CCT6B: variants seen among roughly 807,000 people sequenced by gnomAD.
CCT6B encodes chaperonin containing TCP1 subunit 6B, also known as probable T-complex protein 1 subunit zeta-2.
A neutral mutation model predicts 61.5 loss-of-function variants in CCT6B; 49 were observed. That is an observed-to-expected ratio of 0.80 (90% confidence interval 0.63 to 1.01). CCT6B has a LOEUF of 1.01. CCT6B is among the 50% of genes least tolerant of loss of function. CCT6B has a pLI of 0.00. For synonymous variants in CCT6B, 228 were observed against 214.5 expected (o/e 1.06, Z -0.55); for missense variants, 666 against 634.7 (o/e 1.05, Z -0.53).
intron 9 of CCT6B, 113 bp downstream of exon 9, chr17:34,939,503 TC>T: frequency 2.3e-6 from 2 of 853,154 alleles, no homozygotes; most frequent in Non-Finnish European, 3.7e-6. Context: ...TAAAATCTGT[TC>T]TGTGAATTAG....
At chr17:34,947,434 A>C (rs929612559) in intron 5 of CCT6B, among the ~76,000 whole-genome samples, 1 of 152,244 alleles carries the variant, frequency 6.6e-6, no homozygotes, top group Non-Finnish European at 1.5e-5. Flanking sequence ...ATGGCTATAA[A>C]GGACTCATGG....
intron 7 of CCT6B, 70 bp from the exon 8 acceptor site, chr17:34,940,691 GC>G (rs2142151172): frequency 1.3e-6 from 1 of 746,784 alleles, no homozygotes; most frequent in South Asian, 2.0e-5. Flanking sequence ...TTTGGTCTCA[GC>G]ACCACTTTAC....
intron 8 of CCT6B, 44 bp from the exon 9 acceptor site, chr17:34,939,757 T>C: frequency 8.9e-7 from 1 of 1,126,938 alleles, no homozygotes. Context: ...ATGGAGAACA[T>C]TAATACTAAT....
intron 2 of CCT6B, 57 bp from the exon 3 acceptor site, chr17:34,958,751 C>A: frequency 5.0e-6 from 7 of 1,408,440 alleles, no homozygotes; most frequent in South Asian, 4.6e-5. Flanking sequence ...AAGTAGGTCA[C>A]CAAAAGCAAG....
intron 10 of CCT6B, among the ~76,000 whole-genome samples, chr17:34,937,980 T>C (rs1254176350): frequency 6.6e-6 from 1 of 151,792 alleles, no homozygotes; most frequent in East Asian, 1.9e-4. Context: ...CCTCAGACTC[T>C]TGGGACTCAA....
chr17:34,959,382 C>A (rs1040215557), intron 2 of CCT6B, among the ~76,000 whole-genome samples: 1 of 150,618 alleles, frequency 6.6e-6, no homozygotes, highest in African/African-American at 2.4e-5. Context: ...TTGGCCACCT[C>A]AGCCTCCCAA....
At chr17:34,961,153 G>T in intron 1 of CCT6B, 104 bp downstream of exon 1, 1 of 1,376,292 alleles carries the variant, frequency 7.3e-7, no homozygotes. Context: ...GGGAAATCAA[G>T]CTCGCAAGAA....
chr17:34,952,721 T>C (rs2090305345), intron 4 of CCT6B, among the ~76,000 whole-genome samples: 1 of 152,180 alleles, frequency 6.6e-6, no homozygotes, highest in African/African-American at 2.4e-5. Context: ...CAGAAAATGA[T>C]ATAAAAATAA....
chr17:34,938,555 T>C (rs1416482403), intron 10 of CCT6B, among the ~76,000 whole-genome samples: 2 of 151,724 alleles, frequency 1.3e-5, no homozygotes, highest in Non-Finnish European at 2.9e-5. Context: ...GACCCTGTCT[T>C]GAGAAAAATA....
chr17:34,950,309 C>A (rs184006599), intron 5 of CCT6B, among the ~76,000 whole-genome samples: 2 of 151,998 alleles, frequency 1.3e-5, no homozygotes, highest in East Asian at 3.9e-4. Context: ...AAAACAGAAG[C>A]AGCAAAAAAG....
intron 11 of CCT6B, among the ~76,000 whole-genome samples, chr17:34,931,263 T>C (rs2142133743): frequency 6.6e-6 from 1 of 152,252 alleles, no homozygotes; most frequent in Admixed American, 6.5e-5. Flanking sequence ...CCTATGCACG[T>C]CACACTAAAT....
chr17:34,954,978 T>C (rs761568538), intron 3 of CCT6B, among the ~76,000 whole-genome samples: 50 of 152,188 alleles, frequency 3.3e-4, no homozygotes, highest in Admixed American at 6.5e-4. Flanking sequence ...CACCAAGTGA[T>C]CAAAGTTAAC....
intron 4 of CCT6B, 33 bp downstream of exon 4, chr17:34,954,393 A>C: frequency 6.5e-7 from 1 of 1,544,542 alleles, no homozygotes; most frequent in Non-Finnish European, 8.8e-7. Flanking sequence ...ATTAGGCTAT[A>C]TTTGTTCTGA....
chr17:34,932,411 G>A lies in CCT6B; in HGVS notation c.1303C>T (p.Leu435Phe). 1 of 1,612,252 alleles carries A rather than the reference G, an allele frequency of 6.2e-7. No homozygotes were observed. Among genetic ancestry groups the A allele is most frequent in the Non-Finnish European group, 8.5e-7 (1 of 1,179,264 alleles). ...GCATCAGCAAAAGCTTGGACTCCAA[G>A]ACGAGCTCTTCCTTTTATACTGTTC... ...YKNSIKGRAR[L>F]GVQAFADALL... Residue 435 changes from leucine to phenylalanine, a missense_variant, in exon 11 of 14, where the codon CTT becomes TTT. By Grantham distance (22) the Leu-to-Phe change is conservative. Transcript: ENST00000314144.
intron 4 of CCT6B, among the ~76,000 whole-genome samples, chr17:34,952,961 T>C (rs1210653820): frequency 1.3e-5 from 2 of 152,112 alleles, no homozygotes; most frequent in Non-Finnish European, 2.9e-5. Flanking sequence ...TCAAGTACTC[T>C]AACAGCAGAA....
chr17:34,937,294 G>C (rs1248106573), intron 10 of CCT6B, among the ~76,000 whole-genome samples: 3 of 151,832 alleles, frequency 2.0e-5, no homozygotes, highest in East Asian at 1.9e-4. Context: ...AAAAAAATGA[G>C]AGTTAACAAT....
Position 34,942,874 on chromosome 17 carries a change from G to T in CCT6B, c.647C>A (p.Ala216Asp). 1 of 1,608,742 alleles carries T rather than the reference G, an allele frequency of 6.2e-7. No individual in the cohort carries two copies. The highest frequency in any genetic ancestry group is 8.5e-7 in the Non-Finnish European group (1 of 1,176,596). ...TCGCTTCTTCATATCTGGATGACGGGCACCATGATCCAAAACTAATCCTTG... is the reference window on the plus strand; with the variant it reads ...TCGCTTCTTCATATCTGGATGACGGTCACCATGATCCAAAACTAATCCTTG... ...LIQGLVLDHG[A>D]RHPDMKKRVE... The change falls in exon 6 of 14, where the codon GCC becomes GAC. Residue 216 changes from alanine (A) to aspartate (D), a missense_variant. By Grantham distance (126) the Ala-to-Asp change is moderately radical (BLOSUM62 -2). Transcript: ENST00000314144.
intron 3 of CCT6B, among the ~76,000 whole-genome samples, chr17:34,957,149 T>G (rs1456340155): frequency 2.4e-4 from 35 of 147,688 alleles, no homozygotes; most frequent in Admixed American, 2.4e-3. Flanking sequence ...TTCCATTTTT[T>G]TTTTTTTTTT....
chr17:34,946,325 G>C (rs2090223412), intron 5 of CCT6B, among the ~76,000 whole-genome samples: 1 of 151,960 alleles, frequency 6.6e-6, no homozygotes, highest in Non-Finnish European at 1.5e-5. Flanking sequence ...GTGAGAACCA[G>C]TAAAATATAA....
Sources: gnomAD v4.1 joint callset for allele counts (sites outside exome capture counted in the v4.1 genomes callset) on GRCh38, gnomAD v4.1.1 for gene constraint, MANE v1.5 for transcripts, NCBI Gene and HGNC (gene_info 2026-07-23, HGNC 2026-07-21) for gene names.